Variants in DOCK1 observed in about 807,000 individuals in gnomAD.
The protein encoded by DOCK1 is dedicator of cytokinesis 1.
A neutral mutation model predicts 262.7 loss-of-function variants in DOCK1; 138 were observed. That is an observed-to-expected ratio of 0.53 (90% confidence interval 0.46 to 0.61). The LOEUF (loss-of-function observed/expected upper bound fraction) is 0.61, where lower values mean the gene tolerates loss of function less well. Ranked by LOEUF, DOCK1 falls within the 20% of genes least tolerant of loss-of-function variation. The pLI is 0.00. For synonymous variants in DOCK1, 866 were observed against 867.4 expected, an observed-to-expected ratio of 1.00 and a Z score of 0.03; for missense variants, 1,908 against 2,370.7, an observed-to-expected ratio of 0.80 and a Z score of 4.05.
chr10:126,955,084 A>G (rs1273523359), intron 1 of DOCK1, among the ~76,000 whole-genome samples: 1 of 152,208 alleles, frequency 6.6e-6, no homozygotes. Flanking sequence ...TTATTTAAAT[A>G]ATAGCCATCC....
chr10:127,386,820 C>G (rs1014023616), intron 38 of DOCK1, among the ~76,000 whole-genome samples: 54 of 152,290 alleles, frequency 3.5e-4, no homozygotes, highest in African/African-American at 1.3e-3. Flanking sequence ...TCCCTGGTGC[C>G]AAAAAGGTTG....
Position 126,947,445 on chromosome 10 carries a change from G to T in DOCK1, c.47-23257G>T, listed in dbSNP as rs1336307973. ...GTGGTTGGTAGTATTACTGTTGGTG[G>T]TGGTGGTGGTGGTTGGTAGTATTAC... On this transcript the variant is annotated intron_variant, in intron 1 of 51. Coordinates refer to ENST00000623213, the MANE Select transcript of DOCK1 (RefSeq NM_001290223.2). Among the ~76,000 whole-genome samples, 10 of 140,016 alleles carry T rather than the reference G, an allele frequency of 7.1e-5. No homozygotes were observed. The South Asian group carries it at 1.5e-3, about 21-fold the overall frequency. The allele number at this position is 140,016 out of a possible 152,430, so 91.9% of individuals were successfully genotyped here.
intron 15 of DOCK1, among the ~76,000 whole-genome samples, chr10:127,025,686 G>C (rs1319301236): frequency 2.0e-5 from 3 of 151,994 alleles, no homozygotes; most frequent in Non-Finnish European, 4.4e-5. Context: ...CTGACCTCAA[G>C]TGATCCACCC....
Position 127,361,323 on chromosome 10 carries a change from C to T in DOCK1, c.3284-741C>T, listed in dbSNP as rs946678768. 6.6e-5 allele frequency among the ~76,000 whole-genome samples: 10 copies of T among 152,024 alleles called. No individual in the cohort carries two copies. In the South Asian group the frequency reaches 1.0e-3, roughly 16 times the overall value. On this transcript the variant is annotated intron_variant, in intron 32 of 51. Transcript: ENST00000623213. ...TAGAGACGGTGTCTCACCGTGTTAG[C>T]CAGGATGGTCTCGATCTCCTGACCT...
In DOCK1 at chr10:126,999,436, G is replaced by A; in HGVS notation, c.849+1G>A. 6.2e-7 allele frequency: 1 copy of A among 1,612,342 alleles called. No individual in the cohort carries two copies. Among genetic ancestry groups the A allele is most frequent in the Non-Finnish European group, 8.5e-7 (1 of 1,179,064 alleles). On this transcript the variant is annotated splice_donor_variant, in intron 9 of 51. Transcript: ENST00000623213. LOFTEE classifies it high-confidence loss of function. ...ACATAATTTGCGAGCCGTGTTTACT[G>A]TAAGTGCACCCAAAGATGCTTAGTT...
At chr10:126,987,653 TAGAG>T in intron 5 of DOCK1, 36 bp downstream of exon 5, 1 of 1,510,726 alleles carries the variant, frequency 6.6e-7, no homozygotes, top group Non-Finnish European at 9.0e-7. Flanking sequence ...AGCTTAGAAA[TAGAG>T]AGTGGGCTTT....
At chr10:127,330,349 G>A (rs1426261846) in intron 29 of DOCK1, among the ~76,000 whole-genome samples, 3 of 151,778 alleles carry the variant, frequency 2.0e-5, no homozygotes, top group Non-Finnish European at 4.4e-5. Flanking sequence ...AAAGAGTTTT[G>A]CTGTGTTCTA....
intron 1 of DOCK1, among the ~76,000 whole-genome samples, chr10:126,930,727 T>C (rs2034125529): frequency 6.6e-6 from 1 of 152,228 alleles, no homozygotes; most frequent in Admixed American, 6.5e-5. Flanking sequence ...GGTTGGCATC[T>C]AAGACATGTA....
At chr10:127,402,603 G>A (rs1029276159) in intron 38 of DOCK1, 21 of 502,830 alleles carry the variant, frequency 4.2e-5, no homozygotes, top group African/African-American at 3.5e-4. Context: ...GGTGATATTC[G>A]ACATAGCATT....
intron 27 of DOCK1, among the ~76,000 whole-genome samples, chr10:127,236,361 C>T (rs1458780659): frequency 7.9e-6 from 1 of 127,014 alleles, no homozygotes; most frequent in African/African-American, 2.9e-5. Flanking sequence ...CTCTCTCCTT[C>T]CCTCCCTCCT....
At chr10:127,097,238 C>G (rs1038316368) in intron 23 of DOCK1, among the ~76,000 whole-genome samples, 1 of 152,084 alleles carries the variant, frequency 6.6e-6, no homozygotes, top group South Asian at 2.1e-4. Flanking sequence ...TGTTCTTGTC[C>G]TTTTGGTTCA....
intron 28 of DOCK1, among the ~76,000 whole-genome samples, chr10:127,249,426 T>TATACACAC: frequency 1.7e-5 from 1 of 59,432 alleles, no homozygotes; most frequent in Middle Eastern, 7.7e-3. Flanking sequence ...CATGTACATA[T>TATACACAC]ATATATACAC....
intron 46 of DOCK1, among the ~76,000 whole-genome samples, chr10:127,421,364 T>C (rs2068497606): frequency 1.3e-5 from 2 of 152,194 alleles, no homozygotes; most frequent in South Asian, 4.1e-4. Context: ...AATTTGTGTT[T>C]AGATATATAG....
rs1294747811 is a variant in DOCK1, at chr10:127,175,774, C to T, written c.2847+48010C>T. The T allele has an allele frequency of 2.5e-6, 4 of 1,614,010 alleles. No homozygotes were observed. The highest frequency in any genetic ancestry group is 3.4e-6 in the Non-Finnish European group (4 of 1,180,042). On this transcript the variant is annotated intron_variant, in intron 27 of 51. Coordinates refer to ENST00000623213, the MANE Select transcript of DOCK1 (RefSeq NM_001290223.2). This position sits in a 1 kb window ranked among gnomAD's most constrained non-coding sequence, Gnocchi z 6.3. ...GGAGGCCGAGTGGAGTTTTGGAGCGCAGCTTCTCCATAGCTGAGCGGCTCC... is the reference window on the plus strand; with the variant it reads ...GGAGGCCGAGTGGAGTTTTGGAGCGTAGCTTCTCCATAGCTGAGCGGCTCC...
intron 27 of DOCK1, among the ~76,000 whole-genome samples, chr10:127,244,491 C>G (rs576828923): frequency 6.6e-6 from 1 of 152,164 alleles, no homozygotes; most frequent in South Asian, 2.1e-4. Context: ...AAGGTTATAG[C>G]AATTTATGTT....
intron 28 of DOCK1, among the ~76,000 whole-genome samples, chr10:127,252,534 T>C (rs1198993141): frequency 6.8e-6 from 1 of 146,918 alleles, no homozygotes; most frequent in Non-Finnish European, 1.5e-5. Flanking sequence ...AATGTTTAAG[T>C]CTTTAATCCA....
chr10:127,050,077 C>T (rs1034658013), intron 21 of DOCK1, among the ~76,000 whole-genome samples: 8 of 146,570 alleles, frequency 5.5e-5, no homozygotes, highest in African/African-American at 1.3e-4. Context: ...TTTATTGAAC[C>T]GGCTCTCAGA....
At chr10:127,333,819 A>T (rs190937847) in intron 29 of DOCK1, among the ~76,000 whole-genome samples, 158 of 152,288 alleles carry the variant, frequency 1.0e-3, no homozygotes, top group African/African-American at 3.6e-3. Flanking sequence ...GCGACTTTAC[A>T]TTTTGTAAGG....
intron 25 of DOCK1, among the ~76,000 whole-genome samples, chr10:127,123,803 C>T (rs893611540): frequency 3.3e-5 from 5 of 152,194 alleles, no homozygotes; most frequent in African/African-American, 9.7e-5. Flanking sequence ...CACTGACCTC[C>T]TGTGGGATTC....
Sources: gnomAD v4.1 joint callset for allele counts (sites outside exome capture counted in the v4.1 genomes callset) on GRCh38, gnomAD v4.1.1 for gene constraint, Gnocchi (gnomAD v3.1) non-coding constraint, MANE v1.5 for transcripts, NCBI Gene and HGNC (gene_info 2026-07-23, HGNC 2026-07-21) for gene names.